CHST9: variants seen among roughly 807,000 people sequenced by gnomAD.
CHST9 encodes carbohydrate sulfotransferase 9.
CHST9 carries 41 observed loss-of-function variants against 44.4 expected under a neutral mutation model. The ratio of observed to expected loss-of-function variants is 0.92; its 90% confidence interval spans 0.72 to 1.20. CHST9 has a LOEUF of 1.20. CHST9 is among the 50% of genes most tolerant of loss of function. The pLI is 0.00. For synonymous variants in CHST9, 171 were observed against 178.4 expected, an observed-to-expected ratio of 0.96 and a Z score of 0.33; for missense variants, 504 against 516.5, an observed-to-expected ratio of 0.98 and a Z score of 0.23.
chr18:27,141,287 C>T (rs1195270325), intron 2 of CHST9, among the ~76,000 whole-genome samples: 2 of 152,150 alleles, frequency 1.3e-5, no homozygotes, highest in South Asian at 4.1e-4. Context: ...ATGGCGTGAA[C>T]CCAGCAGGCG....
Position 26,954,553 on chromosome 18 carries a change from C to A in CHST9, c.203-10187G>T, listed in dbSNP as rs375902192. 9.9e-5 allele frequency among the ~76,000 whole-genome samples: 15 copies of A among 152,084 alleles called. No homozygotes were observed. The East Asian group carries it at 1.7e-3, about 18-fold the overall frequency. On this transcript the variant is annotated intron_variant, in intron 4 of 5. Transcript: ENST00000618847. Reference sequence around the variant, plus strand: ...TCTGTTTCCCTTCCTTTCTACCCTCCATCTACTCTGGTCTTATGTTCATTT... The same window carrying A: ...TCTGTTTCCCTTCCTTTCTACCCTCAATCTACTCTGGTCTTATGTTCATTT...
At chr18:26,931,799 G>T (rs2145087572) in intron 5 of CHST9, among the ~76,000 whole-genome samples, 1 of 152,268 alleles carries the variant, frequency 6.6e-6, no homozygotes, top group Admixed American at 6.5e-5. Context: ...CAAAATAATT[G>T]AATTTAATCC....
At position 26,944,331 on chromosome 18, in the gene CHST9, G is replaced by A. The variant is rs768292996; in HGVS notation, c.238C>T (p.Gln80Ter). The change falls in exon 5 of 6, where the codon CAG (glutamine) becomes TAG (stop). Residue 80 changes from glutamine (Q) to a stop codon, truncating the protein, a stop_gained and splice_region_variant. Coordinates refer to ENST00000618847, the MANE Select transcript of CHST9 (RefSeq NM_031422.6). LOFTEE classifies it high-confidence loss of function. ...TEKIQEHITN[Q>*]NPKFHMPEDV... ...GTTTACGAGAAATGAGAGAATACCTGGTTGGTGATATGTTCCTGGATTTTT... is the reference window on the plus strand; with the variant it reads ...GTTTACGAGAAATGAGAGAATACCTAGTTGGTGATATGTTCCTGGATTTTT... 1.2e-6 allele frequency: 2 copies of A among 1,607,084 alleles called. No homozygotes were observed. The highest frequency in any genetic ancestry group is 2.2e-5 in the South Asian group (2 of 90,926).
At chr18:27,180,853 G>A (rs538444486) in intron 1 of CHST9, among the ~76,000 whole-genome samples, 4 of 152,202 alleles carry the variant, frequency 2.6e-5, no homozygotes, top group South Asian at 2.1e-4. Context: ...TTTAATAAGT[G>A]TATATAAAAT....
intron 1 of CHST9, among the ~76,000 whole-genome samples, chr18:27,153,207 T>C (rs1321563042): frequency 6.6e-6 from 1 of 152,196 alleles, no homozygotes; most frequent in African/African-American, 2.4e-5. Context: ...AGTGTCATCC[T>C]ATGCTCCTTG....
intron 2 of CHST9, among the ~76,000 whole-genome samples, chr18:27,077,559 G>C (rs144332929): frequency 0.013 from 1,947 of 152,172 alleles, 29 homozygotes; most frequent in South Asian, 0.03. Flanking sequence ...GAAATATTGT[G>C]GGGGAGGGAG....
At chr18:27,029,385 G>A (rs756477959) in intron 3 of CHST9, among the ~76,000 whole-genome samples, 21 of 152,018 alleles carry the variant, frequency 1.4e-4, no homozygotes, top group Admixed American at 7.2e-4. Context: ...AGGGCATCGC[G>A]TCTCTCCAGC....
intron 2 of CHST9, among the ~76,000 whole-genome samples, chr18:27,136,516 T>C (rs553952405): frequency 3.2e-4 from 48 of 152,230 alleles, no homozygotes; most frequent in Non-Finnish European, 5.1e-4. Flanking sequence ...GTTGGAGTCC[T>C]AGAATGAGGC....
intron 4 of CHST9, among the ~76,000 whole-genome samples, chr18:26,958,500 G>C (rs1283144370): frequency 1.3e-5 from 2 of 151,006 alleles, no homozygotes; most frequent in Non-Finnish European, 2.9e-5. Flanking sequence ...GTGGGACCTA[G>C]TTAAACTAAA....
At chr18:27,040,515 A>G (rs1490919565) in intron 3 of CHST9, among the ~76,000 whole-genome samples, 1 of 152,070 alleles carries the variant, frequency 6.6e-6, no homozygotes, top group Non-Finnish European at 1.5e-5. Flanking sequence ...ACTAAAGCTT[A>G]GCCTTTCTTG....
chr18:26,914,893 T>C lies in CHST9; in HGVS notation c.*1366A>G. Reference sequence around the variant, plus strand: ...AGCATTTAAGCAGGGTTTGAAAGACTTGTGATTTTCTTAACTCGGGGTAAA... The same window carrying C: ...AGCATTTAAGCAGGGTTTGAAAGACCTGTGATTTTCTTAACTCGGGGTAAA... On this transcript the variant is annotated 3_prime_UTR_variant, in exon 6 of 6. Coordinates refer to ENST00000618847, the MANE Select transcript of CHST9 (RefSeq NM_031422.6). 2.5e-6 allele frequency: 1 copy of C among 397,886 alleles called. No individual in the cohort carries two copies. Among genetic ancestry groups the C allele is most frequent in the Non-Finnish European group, 4.4e-6 (1 of 225,554 alleles). The allele number at this position is 397,886 out of a possible 1,614,324, so 24.6% of individuals were successfully genotyped here. A position where few individuals can be genotyped will look rare whatever the true frequency, so the allele number is the denominator to read the frequency against.
At chr18:27,172,767 A>G (rs2058842585) in intron 1 of CHST9, among the ~76,000 whole-genome samples, 2 of 152,050 alleles carry the variant, frequency 1.3e-5, no homozygotes, top group Middle Eastern at 3.2e-3. Context: ...ATAATAATTT[A>G]TCAACTTACT....
At chr18:27,035,922 G>A (rs981485325) in intron 3 of CHST9, among the ~76,000 whole-genome samples, 1 of 152,086 alleles carries the variant, frequency 6.6e-6, no homozygotes, top group Non-Finnish European at 1.5e-5. Context: ...TGATGGATAT[G>A]TTAATTAGTG....
chr18:27,159,453 G>A lies in CHST9; in HGVS notation c.-96-16548C>T, dbSNP rs1187611529. ...GCATTATTTCTGAGGGATCTGTTCT[G>A]TTCCATTGGTCTATATCTCTGTTTT... On this transcript the variant is annotated intron_variant, in intron 1 of 5. Transcript: ENST00000618847. Among the ~76,000 whole-genome samples the A allele has an allele frequency of 8.5e-5, 13 of 152,246 alleles. No individual in the cohort carries two copies. The East Asian group carries it at 2.5e-3, about 29-fold the overall frequency.
intron 4 of CHST9, among the ~76,000 whole-genome samples, chr18:26,960,242 G>T (rs2056382475): frequency 6.6e-6 from 1 of 152,084 alleles, no homozygotes; most frequent in Non-Finnish European, 1.5e-5. Flanking sequence ...TCGAGTTGAA[G>T]GGAAATAAAT....
At chr18:27,174,178 G>C (rs756359906) in intron 1 of CHST9, among the ~76,000 whole-genome samples, 4 of 151,652 alleles carry the variant, frequency 2.6e-5, no homozygotes, top group Non-Finnish European at 4.4e-5. Flanking sequence ...TTTTCATCCA[G>C]AATCTAATCA....
At chr18:27,061,709 C>A (rs1338633052) in intron 2 of CHST9, among the ~76,000 whole-genome samples, 2 of 152,002 alleles carry the variant, frequency 1.3e-5, no homozygotes, top group African/African-American at 4.8e-5. Flanking sequence ...GGCCCCAGTG[C>A]ACGTGCATGA....
chr18:27,055,580 G>A (rs1323129096), intron 2 of CHST9, among the ~76,000 whole-genome samples: 2 of 152,096 alleles, frequency 1.3e-5, no homozygotes, highest in African/African-American at 4.8e-5. Context: ...TTTAATGCAA[G>A]ATTTTTTAGA....
intron 4 of CHST9, among the ~76,000 whole-genome samples, chr18:26,945,592 A>G (rs4800775): frequency 0.18 from 27,585 of 152,108 alleles, 2,596 homozygotes; most frequent in East Asian, 0.24. Flanking sequence ...GTGTGTGTCA[A>G]TGTGGTTGGT....
Sources: allele counts gnomAD v4.1 joint callset (sites outside exome capture counted in the v4.1 genomes callset), GRCh38; gene constraint gnomAD v4.1.1; transcripts MANE v1.5; gene names NCBI Gene and HGNC (gene_info 2026-07-23, HGNC 2026-07-21).